Variants in NDE1 observed in about 807,000 individuals in gnomAD.
NDE1 encodes nuclear distribution protein nudE homolog 1.
A neutral mutation model predicts 43.4 loss-of-function variants in NDE1; 28 were observed. The observed-to-expected ratio is 0.65, with a 90% confidence interval of 0.48 to 0.89. The LOEUF is 0.89. Ranked by LOEUF, NDE1 falls within the 40% of genes least tolerant of loss-of-function variation. The pLI, the probability that NDE1 is intolerant of heterozygous loss-of-function variation, is 0.00. For synonymous variants in NDE1, 184 were observed against 172.0 expected (o/e 1.07, Z -0.55); for missense variants, 441 against 434.1 (o/e 1.02, Z -0.14).
At chr16:15,679,291 C>T (rs534919296) in intron 4 of NDE1, among the ~76,000 whole-genome samples, 81 of 152,114 alleles carry the variant, frequency 5.3e-4, no homozygotes, top group Non-Finnish European at 9.6e-4. Context: ...CCACTGCACC[C>T]GGCCTCCTCA....
intron 8 of NDE1, chr16:15,718,516 C>T: frequency 6.6e-7 from 1 of 1,519,392 alleles, no homozygotes; most frequent in Non-Finnish European, 8.8e-7. Context: ...AGTCATGCCT[C>T]AGGGGTATTG....
At chr16:15,702,941 A>C (rs2039269800) in intron 8 of NDE1, among the ~76,000 whole-genome samples, 1 of 151,854 alleles carries the variant, frequency 6.6e-6, no homozygotes, top group Non-Finnish European at 1.5e-5. Context: ...AGACAGTCTC[A>C]CTTTGCATCT....
Position 15,719,489 on chromosome 16 carries a change from G to A in NDE1, c.948-4702G>A, listed in dbSNP as rs560949909. On this transcript the variant is annotated intron_variant, in intron 8 of 8. Coordinates refer to ENST00000396354, the MANE Select transcript of NDE1 (RefSeq NM_017668.3). ...TCTAGACAGGTGGACCCCAGAGGAG[G>A]ACGAAATGAAATCTGGGAATGCACA... The A allele has an allele frequency of 2.4e-5, 38 of 1,585,148 alleles. 1 individual carries two copies. Among genetic ancestry groups the A allele is most frequent in the Admixed American group, 5.0e-5 (3 of 59,950 alleles).
intron 8 of NDE1, among the ~76,000 whole-genome samples, chr16:15,700,964 G>T (rs1044717643): frequency 6.6e-6 from 1 of 152,118 alleles, no homozygotes; most frequent in Non-Finnish European, 1.5e-5. Context: ...GGCTGGGCGC[G>T]GTGGCTCAGG....
At chr16:15,686,367 TATAAC>T (rs1401026169) in intron 4 of NDE1, 1 of 985,232 alleles carries the variant, frequency 1.0e-6, no homozygotes, top group Non-Finnish European at 1.2e-6. Flanking sequence ...TTCCCAGAAT[TATAAC>T]AGATTGTTTT....
At chr16:15,682,931 C>T (rs1054935467) in intron 4 of NDE1, among the ~76,000 whole-genome samples, 1 of 151,988 alleles carries the variant, frequency 6.6e-6, no homozygotes, top group Non-Finnish European at 1.5e-5. Flanking sequence ...TCACCATGGT[C>T]CTGACCTCAA....
upstream of NDE1, among the ~76,000 whole-genome samples, chr16:15,645,589 C>T (rs1251336601): frequency 6.6e-6 from 1 of 152,198 alleles, no homozygotes; most frequent in Non-Finnish European, 1.5e-5. Context: ...GGAGCCTAAG[C>T]AAAGTATACC....
intron 3 of NDE1, among the ~76,000 whole-genome samples, chr16:15,676,659 C>T (rs555779022): frequency 5.9e-5 from 9 of 152,070 alleles, no homozygotes; most frequent in Admixed American, 1.3e-4. Context: ...GCACAAACAA[C>T]GGACGTCATT....
Position 15,724,499 on chromosome 16 carries a change from G to T in NDE1, c.*248G>T. ...ACAGACTCTGAGAAGCGAAGACCAT[G>T]TCTCCTCGTTGGAGAAACCCAATAG... On this transcript the variant is annotated 3_prime_UTR_variant, in exon 9 of 9. Coordinates refer to ENST00000396354, the MANE Select transcript of NDE1 (RefSeq NM_017668.3). 1 of 1,608,224 alleles carries T rather than the reference G, an allele frequency of 6.2e-7. No homozygotes were observed. The highest frequency in any genetic ancestry group is 8.5e-7 in the Non-Finnish European group (1 of 1,177,824).
intron 8 of NDE1, chr16:15,720,763 A>T: frequency 6.7e-7 from 1 of 1,484,800 alleles, no homozygotes; most frequent in Non-Finnish European, 9.4e-7. Flanking sequence ...AAGTTTCCAC[A>T]CCAACCATGA....
intron 8 of NDE1, chr16:15,699,944 T>C: frequency 8.2e-7 from 1 of 1,221,318 alleles, no homozygotes; most frequent in Non-Finnish European, 1.0e-6. Flanking sequence ...CATAGTTAGT[T>C]AGCTTTGCGG....
chr16:15,718,822 A>T (rs955257957), intron 8 of NDE1: 1 of 408,132 alleles, frequency 2.5e-6, no homozygotes, highest in Non-Finnish European at 4.6e-6. Context: ...CTTCGTCAGC[A>T]GCAGCATTGA....
chr16:15,725,712 C>G lies in NDE1; in HGVS notation c.*1461C>G. 1 of 398,786 alleles carries G rather than the reference C, an allele frequency of 2.5e-6. No individual in the cohort carries two copies. Among genetic ancestry groups the G allele is most frequent in the East Asian group, 3.6e-5 (1 of 28,098 alleles). 24.7% of individuals were successfully genotyped at this position (398,786 alleles called of 1,614,324 possible). A position where few individuals can be genotyped will look rare whatever the true frequency, so the allele number is the denominator to read the frequency against. Reference sequence around the variant, plus strand: ...TAATTCTTCCCTCGCCCCTTGGTCCCTGGCTGTGGACATGTTAAACATTTG... The same window carrying G: ...TAATTCTTCCCTCGCCCCTTGGTCCGTGGCTGTGGACATGTTAAACATTTG... On this transcript the variant is annotated 3_prime_UTR_variant, in exon 9 of 9. Transcript: ENST00000396354.
chr16:15,714,858 G>A, intron 8 of NDE1: 2 of 1,608,678 alleles, frequency 1.2e-6, no homozygotes, highest in Non-Finnish European at 8.5e-7. Flanking sequence ...AGCCCCCAGT[G>A]CTTTTCTCTG....
chr16:15,711,271 G>A (rs895949101), intron 8 of NDE1: 1 of 152,152 alleles, frequency 6.6e-6, no homozygotes, highest in African/African-American at 2.4e-5. Flanking sequence ...TCCGCTAACT[G>A]AACTGGGCCC....
At chr16:15,677,981 G>A (rs1279731924) in intron 4 of NDE1, 32 bp downstream of exon 4, 1 of 1,613,150 alleles carries the variant, frequency 6.2e-7, no homozygotes, top group Non-Finnish European at 8.5e-7. Context: ...ACGAGTGGGA[G>A]ACTCTCCTCT....
intron 4 of NDE1, among the ~76,000 whole-genome samples, chr16:15,678,673 G>A (rs1263370291): frequency 6.6e-6 from 1 of 152,128 alleles, no homozygotes; most frequent in Non-Finnish European, 1.5e-5. Context: ...CTGTGGTTTA[G>A]CAGAATGATA....
At chr16:15,688,384 C>G (rs1005059116) in intron 5 of NDE1, among the ~76,000 whole-genome samples, 1 of 151,864 alleles carries the variant, frequency 6.6e-6, no homozygotes, top group African/African-American at 2.4e-5. Context: ...CCTGTAATCC[C>G]AGCACTTTGG....
intron 8 of NDE1, among the ~76,000 whole-genome samples, chr16:15,705,478 T>G (rs2039397765): frequency 6.6e-6 from 1 of 152,180 alleles, no homozygotes; most frequent in South Asian, 2.1e-4. Context: ...GCTGCCAGCC[T>G]TCACCGTTCA....
Sources: gnomAD v4.1 joint callset for allele counts (sites outside exome capture counted in the v4.1 genomes callset) on GRCh38, gnomAD v4.1.1 for gene constraint, MANE v1.5 for transcripts, NCBI Gene and HGNC (gene_info 2026-07-23, HGNC 2026-07-21) for gene names.